Variants in CPXM2 observed in about 807,000 individuals in gnomAD.
CPXM2 encodes carboxypeptidase X, M14 family member 2, also known as inactive carboxypeptidase-like protein X2.
CPXM2 carries 66 observed loss-of-function variants against 86.1 expected under a neutral mutation model. That is an observed-to-expected ratio of 0.77 (90% CI 0.63 to 0.94). The LOEUF (loss-of-function observed/expected upper bound fraction) is 0.94, where lower values mean the gene tolerates loss of function less well. Ranked by LOEUF, CPXM2 falls within the 40% of genes least tolerant of loss-of-function variation. The pLI, the probability that CPXM2 is intolerant of heterozygous loss-of-function variation, is 0.00. For synonymous variants in CPXM2, 388 were observed against 400.2 expected (o/e 0.97, Z 0.36); for missense variants, 948 against 1,026.3 (o/e 0.92, Z 1.04).
At chr10:123,815,709 T>C (rs1349413065) in intron 4 of CPXM2, among the ~76,000 whole-genome samples, 1 of 152,128 alleles carries the variant, frequency 6.6e-6, no homozygotes, top group African/African-American at 2.4e-5. Context: ...CCAACACCCC[T>C]GTTTCCTTCT....
intron 10 of CPXM2, among the ~76,000 whole-genome samples, chr10:123,763,033 C>T (rs944028997): frequency 1.3e-5 from 2 of 151,568 alleles, no homozygotes; most frequent in South Asian, 4.1e-4. Context: ...TGTGCTTGGT[C>T]CCCCTCTGGT....
intron 2 of CPXM2, among the ~76,000 whole-genome samples, chr10:123,925,978 A>C (rs28479333): frequency 0.29 from 44,862 of 152,128 alleles, 7,102 homozygotes; most frequent in African/African-American, 0.39. Context: ...AACATATGTA[A>C]GCATATCATG....
intron 1 of CPXM2, among the ~76,000 whole-genome samples, chr10:123,889,985 TA>T (rs1945241422): frequency 6.6e-6 from 1 of 152,064 alleles, no homozygotes. Context: ...GGCCTTGAGT[TA>T]AAAAGGACAG....
intron 2 of CPXM2, among the ~76,000 whole-genome samples, chr10:123,903,183 GACCTTGTCCTGGCCATAGGACACAGAGT>G (rs1444300854): frequency 2.6e-5 from 4 of 152,260 alleles, no homozygotes; most frequent in Admixed American, 6.5e-5. Flanking sequence ...GGGCACAGAG[GACCTTGTCCTGGCCATAGGACACAGAGT>G]ACCTTGTCCT....
chr10:123,881,783 T>C, intron 1 of CPXM2, among the ~76,000 whole-genome samples: 1 of 152,122 alleles, frequency 6.6e-6, no homozygotes, highest in East Asian at 1.9e-4. Flanking sequence ...ACACCGCAGG[T>C]CTGCACCCAT....
At chr10:123,806,769 T>C (rs1847588013) in intron 4 of CPXM2, among the ~76,000 whole-genome samples, 1 of 152,002 alleles carries the variant, frequency 6.6e-6, no homozygotes, top group African/African-American at 2.4e-5. Flanking sequence ...CAGGAGAAAC[T>C]GCCACTTATG....
Position 123,757,289 on chromosome 10 carries a change from T to A in CPXM2, c.1841A>T (p.Asp614Val). 6.2e-7 allele frequency: 1 copy of A among 1,613,788 alleles called. No homozygotes were observed. Residue 614 changes from aspartate (D) to valine (V), a missense_variant, in exon 12 of 14, where the codon GAT becomes GTT. By Grantham distance (152) the Asp-to-Val change is radical. Transcript: ENST00000241305. ...CAGCTGGCTCTCATGTGGGTATTTA[T>A]CACAGCCCACGTAGATGGACAGTTC... The part of the protein sequence containing the change: ...CFELSIYVGC[D>V]KYPHESQLPE...
chr10:123,898,410 C>T (rs1356588860), intron 2 of CPXM2, among the ~76,000 whole-genome samples: 1 of 152,158 alleles, frequency 6.6e-6, no homozygotes, highest in Non-Finnish European at 1.5e-5. Flanking sequence ...TCTATAATCA[C>T]ATCTGTGAAT....
chr10:123,756,821 G>T (rs966818414), intron 12 of CPXM2, among the ~76,000 whole-genome samples: 2 of 152,202 alleles, frequency 1.3e-5, no homozygotes, highest in Non-Finnish European at 2.9e-5. Context: ...CGACCCTGTG[G>T]ATGGCTTGGT....
intron 1 of CPXM2, among the ~76,000 whole-genome samples, chr10:123,883,379 T>C (rs1945125784): frequency 1.3e-5 from 2 of 152,228 alleles, no homozygotes; most frequent in Admixed American, 1.3e-4. Context: ...TCTGCCCCTG[T>C]ACCCTCAGGT....
intron 6 of CPXM2, among the ~76,000 whole-genome samples, chr10:123,793,274 C>T (rs1590005410): frequency 1.3e-5 from 2 of 151,872 alleles, no homozygotes; most frequent in South Asian, 2.1e-4. Context: ...ACCATCCTGG[C>T]TGACACGGTG....
intron 3 of CPXM2, among the ~76,000 whole-genome samples, chr10:123,853,174 G>A (rs902395948): frequency 2.0e-5 from 3 of 152,148 alleles, no homozygotes; most frequent in African/African-American, 7.2e-5. Context: ...TGTAAGCAGT[G>A]CCTGCCTCCC....
At chr10:123,879,301 T>C (rs1318762562) in intron 2 of CPXM2, among the ~76,000 whole-genome samples, 1 of 152,226 alleles carries the variant, frequency 6.6e-6, no homozygotes, top group Non-Finnish European at 1.5e-5. Flanking sequence ...GCTAAAGTCC[T>C]GCCTCTGTAA....
At chr10:123,806,532 A>G (rs1247965097) in intron 4 of CPXM2, among the ~76,000 whole-genome samples, 2 of 152,208 alleles carry the variant, frequency 1.3e-5, no homozygotes, top group African/African-American at 2.4e-5. Context: ...GAGATGTTAT[A>G]GTATACTGGT....
At chr10:123,835,987 G>A (rs138199607) in intron 4 of CPXM2, among the ~76,000 whole-genome samples, 1 of 152,164 alleles carries the variant, frequency 6.6e-6, no homozygotes, top group African/African-American at 2.4e-5. Flanking sequence ...CGACGCCCTG[G>A]ACCAAGGTCC....
chr10:123,926,527 T>C (rs1945622986), intron 2 of CPXM2, among the ~76,000 whole-genome samples: 1 of 152,230 alleles, frequency 6.6e-6, no homozygotes, highest in African/African-American at 2.4e-5. Context: ...ATCAATTCTG[T>C]CCAGGGCAGT....
intron 13 of CPXM2, chr10:123,752,471 C>T (rs982771297): frequency 1.0e-5 from 10 of 985,244 alleles, no homozygotes; most frequent in South Asian, 4.7e-5. Flanking sequence ...ACACATTTCC[C>T]CCATTTACAT....
intron 2 of CPXM2, among the ~76,000 whole-genome samples, chr10:123,898,112 C>T (rs1378681872): frequency 6.6e-6 from 1 of 152,218 alleles, no homozygotes; most frequent in Non-Finnish European, 1.5e-5. Context: ...CCCCACCACA[C>T]AAGAGACACT....
chr10:123,846,942 G>C (rs1848507809), intron 3 of CPXM2, among the ~76,000 whole-genome samples: 1 of 152,068 alleles, frequency 6.6e-6, no homozygotes, highest in Admixed American at 6.5e-5. Context: ...ATACAAGCAG[G>C]CCCAGGAAAA....
Sources: allele counts gnomAD v4.1 joint callset (sites outside exome capture counted in the v4.1 genomes callset), GRCh38; gene constraint gnomAD v4.1.1; transcripts MANE v1.5; gene names NCBI Gene and HGNC (gene_info 2026-07-23, HGNC 2026-07-21).